Variants in AKR1D1 observed in about 807,000 individuals in gnomAD.
AKR1D1 encodes the protein delta(4)-3-ketosteroid 5-beta-reductase.
A neutral mutation model predicts 42.6 loss-of-function variants in AKR1D1; 32 were observed. The observed-to-expected ratio is 0.75, with a 90% CI of 0.57 to 1.01. The LOEUF is 1.01. AKR1D1 is among the 50% of genes least tolerant of loss of function. The pLI is 0.00. For missense variants in AKR1D1, 364 were observed against 402.2 expected, an observed-to-expected ratio of 0.91 and a Z score of 0.81; for synonymous variants, 123 against 135.5, an observed-to-expected ratio of 0.91 and a Z score of 0.64.
intron 1 of AKR1D1, among the ~76,000 whole-genome samples, chr7:138,081,922 C>T (rs1248756076): frequency 1.3e-5 from 2 of 152,150 alleles, no homozygotes; most frequent in African/African-American, 4.8e-5. Flanking sequence ...TATATTCTAA[C>T]ATGACTCCAT....
chr7:138,096,840 C>G (rs1435195943), intron 3 of AKR1D1, among the ~76,000 whole-genome samples: 2 of 152,206 alleles, frequency 1.3e-5, no homozygotes, highest in African/African-American at 4.8e-5. Flanking sequence ...TAGCTACACT[C>G]TCTCTATAGG....
At chr7:138,078,374 A>C (rs1802985627) in intron 1 of AKR1D1, among the ~76,000 whole-genome samples, 1 of 152,228 alleles carries the variant, frequency 6.6e-6, no homozygotes, top group South Asian at 2.1e-4. Context: ...TGTAGCATGG[A>C]GAATGGAAGG....
At chr7:138,081,384 C>G (rs1209100301) in intron 1 of AKR1D1, among the ~76,000 whole-genome samples, 1 of 152,092 alleles carries the variant, frequency 6.6e-6, no homozygotes, top group African/African-American at 2.4e-5. Context: ...CACACACACT[C>G]TCCACCTCCA....
intron 4 of AKR1D1, among the ~76,000 whole-genome samples, chr7:138,098,709 T>C (rs1440199320): frequency 1.3e-5 from 2 of 152,094 alleles, no homozygotes; most frequent in Non-Finnish European, 2.9e-5. Flanking sequence ...TAGACAACTA[T>C]AGGAAAATAA....
rs764349745 is a variant in AKR1D1, at chr7:138,107,450, C to A, written c.725C>A (p.Ala242Glu). ...TCTTCTCCACCTTTGTTAAAGGATGCACTTCTAAACTCATTGGGGAAAAGG... is the reference window on the plus strand; with the variant it reads ...TCTTCTCCACCTTTGTTAAAGGATGAACTTCTAAACTCATTGGGGAAAAGG... ...NVSSPPLLKD[A>E]LLNSLGKRYN... is the part of the protein sequence containing the mutation. Residue 242 changes from alanine (A) to glutamate (E), a missense_variant, in exon 7 of 9, where the codon GCA becomes GAA. Transcript: ENST00000242375. The A allele has an allele frequency of 1.9e-6, 3 of 1,614,060 alleles. No homozygotes were observed.
At chr7:138,107,121 A>G in intron 6 of AKR1D1, 1 of 579,710 alleles carries the variant, frequency 1.7e-6, no homozygotes, top group East Asian at 3.7e-5. Context: ...TATTTCTTCC[A>G]CTTCAGTCTT....
intron 3 of AKR1D1, among the ~76,000 whole-genome samples, chr7:138,093,651 G>C (rs77791273): frequency 0.01 from 1,535 of 152,104 alleles, 31 homozygotes; most frequent in African/African-American, 0.035. Context: ...GACCTGCCTG[G>C]CGTTTTTTTA....
chr7:138,104,777 G>C (rs960786604), intron 4 of AKR1D1, among the ~76,000 whole-genome samples: 1 of 151,466 alleles, frequency 6.6e-6, no homozygotes, highest in African/African-American at 2.4e-5. Context: ...GTTTTTAATT[G>C]AGATAGGGTC....
rs1794650290 is a variant in AKR1D1 at position 138,117,147 on chromosome 7, T to G, written c.*485T>G. 1 of 156,628 alleles carries G rather than the reference T, an allele frequency of 6.4e-6. No homozygotes were observed. The highest frequency in any genetic ancestry group is 6.2e-5 in the Admixed American group (1 of 16,124). 9.7% of individuals were successfully genotyped at this position (156,628 alleles called of 1,614,324 possible). A position where few individuals can be genotyped will look rare whatever the true frequency, so the allele number is the denominator to read the frequency against. ...ACACATTATTAACAAGGAAGTGATT[T>G]GCTGCACCTTGAGTTGAGAGGGCTA... On this transcript the variant is annotated 3_prime_UTR_variant, in exon 9 of 9. Coordinates refer to ENST00000242375, the MANE Select transcript of AKR1D1 (RefSeq NM_005989.4).
chr7:138,107,193 C>T (rs1198064778), intron 6 of AKR1D1: 1 of 707,026 alleles, frequency 1.4e-6, no homozygotes, highest in African/African-American at 1.7e-5. Context: ...TATTTACCCT[C>T]TGAAGGAGGC....
At chr7:138,097,772 C>T (rs910037402) in intron 3 of AKR1D1, 94 bp from the exon 4 acceptor site, 37 of 1,044,040 alleles carry the variant, frequency 3.5e-5, no homozygotes, top group Non-Finnish European at 4.9e-5. Context: ...ATTGATTGCT[C>T]ACAATTATGA....
rs976591007 is a variant in AKR1D1 at position 138,117,548 on chromosome 7, T to G, written c.*886T>G. 11 of 152,224 alleles carry G rather than the reference T, an allele frequency of 7.2e-5. No individual in the cohort carries two copies. The highest frequency in any genetic ancestry group is 2.0e-4 in the Admixed American group (3 of 15,284). 9.4% of individuals were successfully genotyped at this position (152,224 alleles called of 1,614,324 possible). ...AGGTGCTTTATAAGATTATTGTACT[T>G]AAGACTTTAATAGTGTTACTTGGAT... On this transcript the variant is annotated 3_prime_UTR_variant, in exon 9 of 9. Transcript: ENST00000242375.
rs748378029 is a variant in AKR1D1 at position 138,091,806 on chromosome 7, A to G, written c.300A>G (p.Pro100=). ...ATNHVPEMVR[P]TLERTLRVLQ... is the part of the protein sequence containing the mutation. ...ATCATGTCCCAGAGATGGTCCGCCC[A>G]ACCCTGGAGAGGACACTCAGGGTCC... Residue 100 remains proline, a synonymous_variant, in exon 3 of 9, where the codon CCA becomes CCG. Transcript: ENST00000242375. 4 of 1,614,148 alleles carry G rather than the reference A, an allele frequency of 2.5e-6. No individual in the cohort carries two copies. Among genetic ancestry groups the G allele is most frequent in the Non-Finnish European group, 3.4e-6 (4 of 1,179,962 alleles).
At chr7:138,094,556 G>A (rs1299713168) in intron 3 of AKR1D1, among the ~76,000 whole-genome samples, 2 of 151,948 alleles carry the variant, frequency 1.3e-5, no homozygotes, top group Non-Finnish European at 2.9e-5. Context: ...GTCTTGCTCT[G>A]TCACCCAGGC....
chr7:138,109,043 A>G (rs1397280237), intron 7 of AKR1D1, among the ~76,000 whole-genome samples: 2 of 152,330 alleles, frequency 1.3e-5, no homozygotes, highest in East Asian at 1.9e-4. Context: ...GATGTTTATT[A>G]TAGAATTCTT....
intron 4 of AKR1D1, among the ~76,000 whole-genome samples, chr7:138,099,299 T>C (rs1318162284): frequency 2.6e-5 from 4 of 152,072 alleles, no homozygotes; most frequent in African/African-American, 9.7e-5. Context: ...CAGGAAAAAA[T>C]GATTTCACAG....
At position 138,091,654 on chromosome 7, in the gene AKR1D1, AC is replaced by A. The variant is rs200504986; in HGVS notation, c.262-108del. ...AGACCAGCCTGGGCAACATAGTGAGACCCCCCATCTCAAAAAAAAAAAATGT... is the reference window on the plus strand; with the variant it reads ...AGACCAGCCTGGGCAACATAGTGAGACCCCCATCTCAAAAAAAAAAAATGT... On this transcript the variant is annotated intron_variant, in intron 2 of 8. Transcript: ENST00000242375. 2.9e-4 allele frequency: 212 copies of A among 725,070 alleles called. 1 individual carries two copies. The African/African-American group carries it at 4.5e-3, about 15-fold the overall frequency. The allele number at this position is 725,070 out of a possible 1,614,324, so 44.9% of individuals were successfully genotyped here. A position where few individuals can be genotyped will look rare whatever the true frequency, so the allele number is the denominator to read the frequency against.
intron 3 of AKR1D1, among the ~76,000 whole-genome samples, chr7:138,096,504 C>T (rs1794186233): frequency 6.6e-6 from 1 of 152,130 alleles, no homozygotes; most frequent in African/African-American, 2.4e-5. Context: ...CCATTAGGCC[C>T]CACCTCCCAA....
intron 6 of AKR1D1, chr7:138,107,104 G>A: frequency 1.8e-6 from 1 of 553,024 alleles, no homozygotes; most frequent in Non-Finnish European, 3.3e-6. Flanking sequence ...TCCAAAAGTT[G>A]TGTCTCTATT....
Sources: allele counts gnomAD v4.1 joint callset (sites outside exome capture counted in the v4.1 genomes callset), GRCh38; gene constraint gnomAD v4.1.1; transcripts MANE v1.5; gene names NCBI Gene and HGNC (gene_info 2026-07-23, HGNC 2026-07-21).